ARNT: variants seen among roughly 807,000 people sequenced by gnomAD.
The protein encoded by ARNT is aryl hydrocarbon receptor nuclear translocator, also known as class E basic helix-loop-helix protein 2.
Under a neutral mutation model 105.0 loss-of-function variants are expected in ARNT, and 30 were observed. The ratio of observed to expected loss-of-function variants is 0.29; its 90% CI spans 0.21 to 0.39. ARNT has a LOEUF of 0.39. Ranked by LOEUF, ARNT falls within the 10% of genes least tolerant of loss-of-function variation. The pLI, the probability that ARNT is intolerant of heterozygous loss-of-function variation, is 1.00. For missense variants in ARNT, 748 were observed against 978.7 expected, an observed-to-expected ratio of 0.76 and a Z score of 3.15; for synonymous variants, 304 against 344.0, an observed-to-expected ratio of 0.88 and a Z score of 1.29.
chr1:150,812,778 C>G (rs1654995107), intron 21 of ARNT: 1 of 158,458 alleles, frequency 6.3e-6, no homozygotes, highest in Non-Finnish European at 1.4e-5. Flanking sequence ...TTTGAATGAG[C>G]TAAAGTAACT....
intron 3 of ARNT, among the ~76,000 whole-genome samples, chr1:150,852,111 G>T (rs1663730102): frequency 1.3e-5 from 2 of 152,016 alleles, no homozygotes; most frequent in African/African-American, 4.8e-5. Flanking sequence ...GTGTCAACAG[G>T]TGTCAGAGGG....
intron 14 of ARNT, among the ~76,000 whole-genome samples, chr1:150,821,506 A>G (rs1657056242): frequency 6.6e-6 from 1 of 152,240 alleles, no homozygotes; most frequent in Non-Finnish European, 1.5e-5. Context: ...TGGCTACCAA[A>G]TTATTACAAC....
At chr1:150,873,312 A>AG (rs1277865653) in intron 1 of ARNT, among the ~76,000 whole-genome samples, 4 of 151,588 alleles carry the variant, frequency 2.6e-5, no homozygotes, top group Non-Finnish European at 4.4e-5. Flanking sequence ...AAACAAAAAA[A>AG]AAACAAAACA....
chr1:150,827,079 T>C (rs1467089575), intron 12 of ARNT, among the ~76,000 whole-genome samples: 1 of 152,032 alleles, frequency 6.6e-6, no homozygotes, highest in Non-Finnish European at 1.5e-5. Flanking sequence ...AAACAAAAGA[T>C]GAAATCTACT....
intron 14 of ARNT, among the ~76,000 whole-genome samples, chr1:150,820,823 T>C (rs1656896220): frequency 6.6e-6 from 1 of 152,154 alleles, no homozygotes; most frequent in Admixed American, 6.5e-5. Flanking sequence ...AGTTGGTACA[T>C]TAGAAATCCC....
intron 1 of ARNT, among the ~76,000 whole-genome samples, chr1:150,860,663 C>A (rs922810478): frequency 2.0e-5 from 3 of 151,830 alleles, no homozygotes; most frequent in African/African-American, 7.3e-5. Context: ...CGAGACCAGC[C>A]TGATCAACAT....
intron 13 of ARNT, among the ~76,000 whole-genome samples, chr1:150,823,563 T>C (rs1185687898): frequency 6.6e-6 from 1 of 151,608 alleles, no homozygotes; most frequent in Non-Finnish European, 1.5e-5. Flanking sequence ...TTTTTTTTTT[T>C]TTTTTGAGAC....
At chr1:150,850,681 T>G (rs1254399306) in intron 3 of ARNT, among the ~76,000 whole-genome samples, 1 of 152,244 alleles carries the variant, frequency 6.6e-6, no homozygotes, top group Non-Finnish European at 1.5e-5. Context: ...GTGCCAGGAT[T>G]GCAGCCTCTG....
intron 1 of ARNT, among the ~76,000 whole-genome samples, chr1:150,875,929 T>A (rs753038217): frequency 1.3e-5 from 2 of 152,072 alleles, no homozygotes; most frequent in Non-Finnish European, 2.9e-5. Flanking sequence ...GGCAAAGACC[T>A]ACAGGCCCTC....
intron 1 of ARNT, among the ~76,000 whole-genome samples, chr1:150,873,081 G>C (rs1022627768): frequency 6.6e-6 from 1 of 151,768 alleles, no homozygotes; most frequent in South Asian, 2.1e-4. Flanking sequence ...TCAGGAGATC[G>C]AGACCACCCT....
chr1:150,813,526 C>G (rs1437757542), intron 20 of ARNT, among the ~76,000 whole-genome samples, 188 bp from the exon 21 acceptor site: 1 of 152,096 alleles, frequency 6.6e-6, no homozygotes, highest in Non-Finnish European at 1.5e-5. Flanking sequence ...CTCCAGGCAG[C>G]CTTTCCATAG....
intron 1 of ARNT, among the ~76,000 whole-genome samples, chr1:150,870,586 C>A (rs192333435): frequency 6.6e-6 from 1 of 152,264 alleles, no homozygotes; most frequent in African/African-American, 2.4e-5. Flanking sequence ...TGGCTCACTG[C>A]AGCCTCAACC....
rs371123667 is a variant in ARNT, at chr1:150,811,984, T to A, written c.*37A>T. 4,039 of 1,401,456 alleles carry A rather than the reference T, an allele frequency of 2.9e-3. 162 individuals are homozygous for A. In the South Asian group the frequency reaches 0.062, roughly 21 times the overall value. 86.8% of individuals were successfully genotyped at this position (1,401,456 alleles called of 1,614,324 possible). Reference sequence around the variant, plus strand: ...TTGCTTTTTAAAAACAAACAGTGATTTTTTCTCCCCCACCCCTTATCCTCA... The same window carrying A: ...TTGCTTTTTAAAAACAAACAGTGATATTTTCTCCCCCACCCCTTATCCTCA... On this transcript the variant is annotated 3_prime_UTR_variant, in exon 22 of 22. Coordinates refer to ENST00000358595, the MANE Select transcript of ARNT (RefSeq NM_001668.4).
At chr1:150,820,518 G>A (rs944408252) in intron 14 of ARNT, among the ~76,000 whole-genome samples, 2 of 152,034 alleles carry the variant, frequency 1.3e-5, no homozygotes, top group African/African-American at 4.8e-5. Context: ...TTAGCCAGGC[G>A]TCTTGGTAGA....
chr1:150,851,264 C>A (rs587709660), intron 3 of ARNT, among the ~76,000 whole-genome samples: 2 of 150,426 alleles, frequency 1.3e-5, no homozygotes, highest in African/African-American at 4.9e-5. Flanking sequence ...GCCCAGCCGC[C>A]GCCCCGTCCG....
Position 150,811,877 on chromosome 1 carries a change from A to G in ARNT, c.*144T>C. ...CCTTAGAGAGGCAACAGAGCAGGGG[A>G]ACAGCCAGAAGGGAAAGGGGGTACA... On this transcript the variant is annotated 3_prime_UTR_variant, in exon 22 of 22. Coordinates refer to ENST00000358595, the MANE Select transcript of ARNT (RefSeq NM_001668.4). 1 of 472,924 alleles carries G rather than the reference A, an allele frequency of 2.1e-6. No individual in the cohort carries two copies. Among genetic ancestry groups the G allele is most frequent in the South Asian group, 6.2e-5 (1 of 16,006 alleles). The allele number at this position is 472,924 out of a possible 1,614,324, so 29.3% of individuals were successfully genotyped here.
Position 150,817,213 on chromosome 1 carries a change from C to T in ARNT, c.1579-11G>A. ...CACAGGCTGAACCACCTGTGGAATA[C>T]AATGATAAAAATAACCATTAAAGAT... On this transcript the variant is annotated splice_polypyrimidine_tract_variant and intron_variant, in intron 16 of 21. Coordinates refer to ENST00000358595, the MANE Select transcript of ARNT (RefSeq NM_001668.4). 2 of 1,613,604 alleles carry T rather than the reference C, an allele frequency of 1.2e-6. No individual in the cohort carries two copies. The highest frequency in any genetic ancestry group is 1.7e-6 in the Non-Finnish European group (2 of 1,179,902).
intron 14 of ARNT, among the ~76,000 whole-genome samples, chr1:150,821,964 A>T (rs1657194229): frequency 6.6e-6 from 1 of 150,546 alleles, no homozygotes. Flanking sequence ...AAGTGATGGG[A>T]TTACAGGTGT....
chr1:150,837,768 A>G (rs1423885163), intron 6 of ARNT, among the ~76,000 whole-genome samples: 1 of 152,156 alleles, frequency 6.6e-6, no homozygotes, highest in Non-Finnish European at 1.5e-5. Context: ...CTTTCAGCAG[A>G]CTTGAATTTC....
Sources: allele counts gnomAD v4.1 joint callset (sites outside exome capture counted in the v4.1 genomes callset), GRCh38; gene constraint gnomAD v4.1.1; transcripts MANE v1.5; gene names NCBI Gene and HGNC (gene_info 2026-07-23, HGNC 2026-07-21).